POLQ: variants seen among roughly 807,000 people sequenced by gnomAD.
POLQ encodes DNA polymerase theta.
Under a neutral mutation model 259.2 loss-of-function variants are expected in POLQ, and 233 were observed. The ratio of observed to expected loss-of-function variants is 0.90; its 90% CI spans 0.81 to 1.00. The LOEUF (loss-of-function observed/expected upper bound fraction) is 1.00. Ranked by LOEUF, POLQ falls within the 50% of genes least tolerant of loss-of-function variation. The pLI is 0.00. For missense variants in POLQ, 2,871 were observed against 3,051.6 expected (o/e 0.94, Z 1.39); for synonymous variants, 1,025 against 1,048.8 (o/e 0.98, Z 0.44).
rs116187829 is a variant in POLQ, at chr3:121,492,998, T to C, written c.2522+480A>G. ...TAAGTCATGTATTATTTTTTAAATA[T>C]ACAAAATAAAAAGTAATCTGCAGCC... On this transcript the variant is annotated intron_variant, in intron 15 of 29. Coordinates refer to ENST00000264233, the MANE Select transcript of POLQ (RefSeq NM_199420.4). Among the ~76,000 whole-genome samples the C allele has an allele frequency of 4.1e-3, 630 of 152,022 alleles. 4 individuals carry two copies. Among genetic ancestry groups the C allele is most frequent in the Middle Eastern group, 0.014 (4 of 294 alleles).
In POLQ at chr3:121,527,298, G is replaced by A. The variant is rs1209116484; in HGVS notation, c.1108+2347C>T. On this transcript the variant is annotated intron_variant, in intron 7 of 29. Coordinates refer to ENST00000264233, the MANE Select transcript of POLQ (RefSeq NM_199420.4). The stretch of plus-strand genomic sequence containing the variant: ...GCTGGTCTCAAACTCCTGACCTCAG[G>A]TGATCCGCCCACCTCATCCTCCCAA... 9.9e-5 allele frequency among the ~76,000 whole-genome samples: 15 copies of A among 151,970 alleles called. No individual in the cohort carries two copies. In the East Asian group the frequency reaches 2.9e-3, roughly 29 times the overall value.
rs752721851 is a variant in POLQ at position 121,541,333 on chromosome 3, T to C, written c.474+16A>G. ...AATGAGCCTTTCACTATTTCAAACT[T>C]AGTAAAAAACATTACCTGGAGGTAG... On this transcript the variant is annotated intron_variant, in intron 3 of 29. Coordinates refer to ENST00000264233, the MANE Select transcript of POLQ (RefSeq NM_199420.4). 5.7e-6 allele frequency: 9 copies of C among 1,566,574 alleles called. No homozygotes were observed. The highest frequency in any genetic ancestry group is 3.5e-5 in the South Asian group (3 of 84,640).
Position 121,456,217 on chromosome 3 carries a change from C to T in POLQ, c.7152+3833G>A, listed in dbSNP as rs201515657. ...CTAAAAACTCTCAATAAATCAGGTA[C>T]TGATGGGACATATCTCAAAATAATA... On this transcript the variant is annotated intron_variant, in intron 25 of 29. Coordinates refer to ENST00000264233, the MANE Select transcript of POLQ (RefSeq NM_199420.4). 5.7e-3 allele frequency among the ~76,000 whole-genome samples: 860 copies of T among 152,174 alleles called. 13 individuals carry two copies. The highest frequency in any genetic ancestry group is 8.5e-3 in the Non-Finnish European group (577 of 68,000).
At position 121,510,231 on chromosome 3, in the gene POLQ, C is replaced by T. The variant is rs1233752164; in HGVS notation, c.1624G>A (p.Gly542Arg). The T allele has an allele frequency of 1.2e-6, 2 of 1,609,890 alleles. No homozygotes were observed. Among genetic ancestry groups the T allele is most frequent in the Non-Finnish European group, 1.7e-6 (2 of 1,176,366 alleles). ...ATATCTTGTGATGTACTTGCCACTC[C>T]ACCAACTATTATCTGAAAGAAGATA... ...IRAILEIIVG[G>R]VASTSQDMHT... Residue 542 changes from glycine (G) to arginine (R), a missense_variant, in exon 11 of 30, where the codon GGA becomes AGA. This residue lies in a region of POLQ where 783 missense variants were observed against 906.2 expected (regional missense o/e 0.86). Coordinates refer to ENST00000264233, the MANE Select transcript of POLQ (RefSeq NM_199420.4).
rs2048425111 is a variant in POLQ at position 121,533,222 on chromosome 3, A to G, written c.741-13T>C. On this transcript the variant is annotated splice_polypyrimidine_tract_variant and intron_variant, in intron 5 of 29. Coordinates refer to ENST00000264233, the MANE Select transcript of POLQ (RefSeq NM_199420.4). Reference sequence around the variant, plus strand: ...TAGATCTGCCTGACTGTAAAAAAACAAATGAAAAGAACATTAAAAGATATA... The same window carrying G: ...TAGATCTGCCTGACTGTAAAAAAACGAATGAAAAGAACATTAAAAGATATA... The G allele has an allele frequency of 6.6e-7, 1 of 1,508,260 alleles. No homozygotes were observed. The highest frequency in any genetic ancestry group is 2.3e-5 in the East Asian group (1 of 43,930). 93.4% of individuals were successfully genotyped at this position (1,508,260 alleles called of 1,614,324 possible).
chr3:121,455,544 A>T (rs1176388073), intron 25 of POLQ, among the ~76,000 whole-genome samples: 1 of 152,034 alleles, frequency 6.6e-6, no homozygotes, highest in African/African-American at 2.4e-5. Context: ...AAAAAGGATA[A>T]AGGGGATATC....
chr3:121,475,482 A>G (rs1034274228), intron 20 of POLQ, among the ~76,000 whole-genome samples: 16 of 152,114 alleles, frequency 1.1e-4, no homozygotes, highest in African/African-American at 3.6e-4. Context: ...AGTATAGGAG[A>G]AAAAAAACCA....
In POLQ at chr3:121,545,917, C is replaced by T. The variant is rs752993306; in HGVS notation, c.-40G>A. ...GGCCGATCAGGGCAAGCCACAGTCC[C>T]AGCGTCCTCCCTCTCGGGAGAACCC... On this transcript the variant is annotated 5_prime_UTR_variant, in exon 1 of 30. An upstream open reading frame in the 5' UTR gains an earlier in-frame stop. Coordinates refer to ENST00000264233, the MANE Select transcript of POLQ (RefSeq NM_199420.4). 1 of 1,610,930 alleles carries T rather than the reference C, an allele frequency of 6.2e-7. No individual in the cohort carries two copies. The highest frequency in any genetic ancestry group is 1.1e-5 in the South Asian group (1 of 90,640).
chr3:121,439,210 T>A (rs185061924), intron 27 of POLQ, among the ~76,000 whole-genome samples: 1 of 148,130 alleles, frequency 6.8e-6, no homozygotes, highest in East Asian at 2.0e-4. Flanking sequence ...ATCTTAATAA[T>A]CTCTGATGAG....
intron 24 of POLQ, among the ~76,000 whole-genome samples, chr3:121,465,008 G>T (rs1285206157): frequency 6.6e-6 from 1 of 151,820 alleles, no homozygotes; most frequent in African/African-American, 2.4e-5. Context: ...AGATGAACCA[G>T]CTTTGTCAAT....
chr3:121,436,035 G>T (rs932939730), intron 28 of POLQ, 87 bp downstream of exon 28: 2 of 1,113,440 alleles, frequency 1.8e-6, no homozygotes, highest in Non-Finnish European at 2.6e-6. Context: ...GAACTGTTGA[G>T]AAATAAAATA....
At chr3:121,496,676 T>A in intron 14 of POLQ, 132 bp downstream of exon 14, 1 of 877,218 alleles carries the variant, frequency 1.1e-6, no homozygotes, top group South Asian at 1.8e-5. Flanking sequence ...TTTCTGATGA[T>A]GACAAGAACT....
chr3:121,525,514 A>G (rs879369566), intron 7 of POLQ, among the ~76,000 whole-genome samples: 12 of 152,266 alleles, frequency 7.9e-5, no homozygotes, highest in Admixed American at 7.8e-4. Flanking sequence ...AAGTGGTGGC[A>G]GTAGAGGCAG....
chr3:121,452,931 C>A (rs1029761702), intron 25 of POLQ, among the ~76,000 whole-genome samples: 1 of 152,196 alleles, frequency 6.6e-6, no homozygotes, highest in Admixed American at 6.5e-5. Context: ...AGGCAGACTG[C>A]CTCCTCAAGT....
chr3:121,465,250 CCTAG>C, intron 24 of POLQ, among the ~76,000 whole-genome samples: 1 of 152,032 alleles, frequency 6.6e-6, no homozygotes, highest in South Asian at 2.1e-4. Flanking sequence ...CACCACCATG[CCTAG>C]CTAATTTTTT....
At position 121,517,167 on chromosome 3, in the gene POLQ, T is replaced by C. The variant is rs539863578; in HGVS notation, c.1468+2704A>G. Among the ~76,000 whole-genome samples the C allele has an allele frequency of 3.3e-5, 5 of 152,312 alleles. No homozygotes were observed. The South Asian group carries it at 1.0e-3, about 32-fold the overall frequency. On this transcript the variant is annotated intron_variant, in intron 9 of 29. Transcript: ENST00000264233. ...CTATGTAAAATGGACTTATACTCCA[T>C]TCCCCAGAGGTGTGAGTCCACTGAA...
At chr3:121,450,043 G>A (rs2047661586) in intron 25 of POLQ, among the ~76,000 whole-genome samples, 1 of 152,166 alleles carries the variant, frequency 6.6e-6, no homozygotes, top group Non-Finnish European at 1.5e-5. Context: ...CACAAGGACG[G>A]CCGGGGTTCA....
intron 25 of POLQ, among the ~76,000 whole-genome samples, chr3:121,456,788 C>T (rs1207353399): frequency 9.9e-5 from 15 of 152,212 alleles, no homozygotes; most frequent in African/African-American, 3.4e-4. Flanking sequence ...GAATCAATAT[C>T]GTGAAAATGG....
intron 28 of POLQ, among the ~76,000 whole-genome samples, chr3:121,435,863 A>G (rs539673705): frequency 5.4e-4 from 82 of 152,238 alleles, no homozygotes; most frequent in Non-Finnish European, 9.4e-4. Context: ...ACATGTCAAA[A>G]TATGGTGAGT....
Sources: gnomAD v4.1 joint callset for allele counts (sites outside exome capture counted in the v4.1 genomes callset) on GRCh38, gnomAD v4.1.1 for gene constraint, gnomAD v4.1.1 regional missense constraint, MANE v1.5 for transcripts, NCBI Gene and HGNC (gene_info 2026-07-23, HGNC 2026-07-21) for gene names.